Variants in TRIM37 observed in about 807,000 individuals in gnomAD.
TRIM37 encodes tripartite motif containing 37.
A neutral mutation model predicts 129.8 loss-of-function variants in TRIM37; 80 were observed. That is an observed-to-expected ratio of 0.62 (90% CI 0.51 to 0.74). The LOEUF is 0.74. Ranked by LOEUF, TRIM37 falls within the 30% of genes least tolerant of loss-of-function variation. TRIM37 has a pLI of 0.00. For synonymous variants in TRIM37, 389 were observed against 387.1 expected, an observed-to-expected ratio of 1.00 and a Z score of -0.06; for missense variants, 1,054 against 1,176.5, an observed-to-expected ratio of 0.90 and a Z score of 1.52.
At chr17:58,982,788 C>A in exon 25 of TRIM37, 3 of 810,836 alleles carry the variant, frequency 3.7e-6, no homozygotes, top group Non-Finnish European at 5.8e-6. Flanking sequence ...CAACATGGCC[C>A]CAACTATAGT....
At chr17:59,007,066 A>T (rs2034577167) in intron 22 of TRIM37, among the ~76,000 whole-genome samples, 1 of 150,848 alleles carries the variant, frequency 6.6e-6, no homozygotes, top group Admixed American at 6.6e-5. Flanking sequence ...GATGTCTAGA[A>T]CTGCAGCAAA....
At chr17:59,089,268 A>G (rs1340764345) in intron 3 of TRIM37, among the ~76,000 whole-genome samples, 1 of 152,102 alleles carries the variant, frequency 6.6e-6, no homozygotes, top group African/African-American at 2.4e-5. Flanking sequence ...ACAAAACAAA[A>G]CAAAACACAA....
chr17:59,008,237 C>T (rs2034796351), intron 22 of TRIM37, among the ~76,000 whole-genome samples: 1 of 152,176 alleles, frequency 6.6e-6, no homozygotes, highest in African/African-American at 2.4e-5. Flanking sequence ...CAACAAATTA[C>T]AAGGGTGTAC....
intron 5 of TRIM37, among the ~76,000 whole-genome samples, chr17:59,081,936 CCAAA>C (rs1322488518): frequency 6.0e-5 from 3 of 50,252 alleles, no homozygotes; most frequent in African/African-American, 3.3e-4. Flanking sequence ...ATAATAAAAA[CCAAA>C]AAAAAAAAAA....
At chr17:59,087,458 CT>C (rs56956832) in intron 4 of TRIM37, among the ~76,000 whole-genome samples, 3,107 of 130,784 alleles carry the variant, frequency 0.024, 25 homozygotes, top group Middle Eastern at 0.051. Context: ...AAGCCTCTTT[CT>C]TTTTTTTTTT....
Position 59,013,308 on chromosome 17 carries a change from A to C in TRIM37, c.2577-862T>G, listed in dbSNP as rs1353346684. On this transcript the variant is annotated intron_variant, in intron 21 of 23. Transcript: ENST00000262294. ...ACAGGTGTCCAGCACCACGCCCGGC[A>C]ATTTTTGTACTTTGTTTTTAGTAGA... Among the ~76,000 whole-genome samples the C allele has an allele frequency of 4.0e-5, 6 of 151,836 alleles. No homozygotes were observed. The East Asian group carries it at 1.2e-3, about 30-fold the overall frequency.
At chr17:59,039,749 C>G (rs1342825417) in intron 17 of TRIM37, among the ~76,000 whole-genome samples, 1 of 152,048 alleles carries the variant, frequency 6.6e-6, no homozygotes, top group Non-Finnish European at 1.5e-5. Context: ...AGAGGAATGA[C>G]AGAAATAAGG....
At chr17:59,074,708 TA>T (rs1367937047) in intron 8 of TRIM37, among the ~76,000 whole-genome samples, 1 of 152,182 alleles carries the variant, frequency 6.6e-6, no homozygotes, top group East Asian at 1.9e-4. Context: ...ATGATTAAGA[TA>T]AAAATCTCAG....
At chr17:59,101,592 G>T (rs2045474727) in intron 2 of TRIM37, among the ~76,000 whole-genome samples, 1 of 139,038 alleles carries the variant, frequency 7.2e-6, no homozygotes, top group Non-Finnish European at 1.5e-5. Flanking sequence ...GCCAAGGAGG[G>T]AAGATCAGTT....
chr17:59,023,366 T>C (rs1397349461), intron 19 of TRIM37, among the ~76,000 whole-genome samples: 1 of 152,110 alleles, frequency 6.6e-6, no homozygotes, highest in Non-Finnish European at 1.5e-5. Flanking sequence ...GCGTGAGCCA[T>C]TGCACACAGC....
chr17:58,983,144 C>T, intron 24 of TRIM37: 1 of 477,146 alleles, frequency 2.1e-6, no homozygotes. Flanking sequence ...ACAGACCCAT[C>T]TTTAGGGGTC....
chr17:59,091,985 A>G (rs1471771416), intron 2 of TRIM37, among the ~76,000 whole-genome samples: 1 of 152,022 alleles, frequency 6.6e-6, no homozygotes, highest in Admixed American at 6.6e-5. Context: ...TTATTTTTTG[A>G]AAAGCTAATT....
intron 5 of TRIM37, 136 bp from the exon 6 acceptor site, chr17:59,081,355 G>C: frequency 7.8e-7 from 1 of 1,282,126 alleles, no homozygotes; most frequent in Non-Finnish European, 1.1e-6. Flanking sequence ...ATTTAATTTT[G>C]TTGAAGCAGG....
chr17:59,079,035 G>C (rs551367034), intron 7 of TRIM37, among the ~76,000 whole-genome samples: 2 of 147,778 alleles, frequency 1.4e-5, no homozygotes, highest in Non-Finnish European at 1.5e-5. Flanking sequence ...TAAAATCTTG[G>C]AGAATCAAGA....
At chr17:59,030,485 A>G (rs771798757) in intron 18 of TRIM37, among the ~76,000 whole-genome samples, 22 of 152,128 alleles carry the variant, frequency 1.4e-4, no homozygotes, top group Admixed American at 2.6e-4. Context: ...AGATGTTTAA[A>G]TCCAAAACTT....
chr17:59,008,309 T>G (rs1480277574), intron 22 of TRIM37, among the ~76,000 whole-genome samples: 1 of 152,234 alleles, frequency 6.6e-6, no homozygotes, highest in Admixed American at 6.5e-5. Flanking sequence ...CTAGGTGCTA[T>G]TTATAGCACA....
At chr17:59,085,308 C>G (rs2043657000) in intron 4 of TRIM37, among the ~76,000 whole-genome samples, 1 of 151,678 alleles carries the variant, frequency 6.6e-6, no homozygotes, top group African/African-American at 2.4e-5. Context: ...GCCTGTGCAA[C>G]AGAGCAAGAC....
At chr17:59,056,505 G>A (rs371110786) in intron 13 of TRIM37, among the ~76,000 whole-genome samples, 8 of 151,682 alleles carry the variant, frequency 5.3e-5, no homozygotes, top group Admixed American at 2.0e-4. Flanking sequence ...CGAGGCGGGC[G>A]GATCACGAGG....
intron 23 of TRIM37, among the ~76,000 whole-genome samples, chr17:59,001,280 C>CA (rs772359171): frequency 1.1e-4 from 16 of 148,168 alleles, no homozygotes; most frequent in Non-Finnish European, 1.8e-4. Context: ...AGACTCTTTA[C>CA]AAAGTAAAAA....
Sources: allele counts gnomAD v4.1 joint callset (sites outside exome capture counted in the v4.1 genomes callset), GRCh38; gene constraint gnomAD v4.1.1; transcripts MANE v1.5; gene names NCBI Gene and HGNC (gene_info 2026-07-23, HGNC 2026-07-21).